Variants in NMUR1 observed in about 807,000 individuals in gnomAD.
The protein encoded by NMUR1 is neuromedin-U receptor 1.
In NMUR1, 16 loss-of-function variants were observed where a neutral mutation model predicts 18.8. The observed-to-expected ratio is 0.85, with a 90% CI of 0.58 to 1.29. The LOEUF (loss-of-function observed/expected upper bound fraction) is 1.29. Among genes scored for constraint, NMUR1 ranks in the 50% most tolerant of loss-of-function variants. NMUR1 has a pLI of 0.00. For missense variants in NMUR1, 529 were observed against 580.3 expected, an observed-to-expected ratio of 0.91 and a Z score of 0.91; for synonymous variants, 258 against 258.2, an observed-to-expected ratio of 1.00 and a Z score of 0.01.
downstream of NMUR1, among the ~76,000 whole-genome samples, chr2:231,521,940 T>C (rs529221111): frequency 6.7e-6 from 1 of 149,154 alleles, no homozygotes; most frequent in South Asian, 2.1e-4. Context: ...ACATACATGG[T>C]GCTCACAAAG....
Position 231,528,478 on chromosome 2 carries a change from C to G in NMUR1, c.543G>C (p.Val181=), listed in dbSNP as rs2047380250. 6.2e-7 allele frequency: 1 copy of G among 1,613,562 alleles called. No homozygotes were observed. The highest frequency in any genetic ancestry group is 8.5e-7 in the Non-Finnish European group (1 of 1,180,034). ...SMVTRAHVRR[V]LGAVWGLAML... is the part of the protein sequence containing the mutation. ...TGGCAAGACCCCAGACGGCCCCAAG[C>G]ACTCGGCGCACATGGGCCCGCGTCA... The change falls in exon 2 of 3, where the codon GTG becomes GTC. Residue 181 remains valine, a synonymous_variant. Transcript: ENST00000305141.
At chr2:231,526,921 A>C (rs1425502570) in intron 2 of NMUR1, among the ~76,000 whole-genome samples, 1 of 152,148 alleles carries the variant, frequency 6.6e-6, no homozygotes, top group African/African-American at 2.4e-5. Flanking sequence ...GCCTCATCCC[A>C]GTACCTTAGC....
chr2:231,523,421 C>CT lies in NMUR1; in HGVS notation c.*1621_*1622insA, dbSNP rs1320430161. ...TAAAGAACTCCTCACTTGCCCTTCC[C>CT]CCATTCCCTGGCAAGAGAGGTTTTA... On this transcript the variant is annotated 3_prime_UTR_variant, in exon 3 of 3. Coordinates refer to ENST00000305141, the MANE Select transcript of NMUR1 (RefSeq NM_006056.5). 8 of 325,408 alleles carry CT rather than the reference C, an allele frequency of 2.5e-5. No individual in the cohort carries two copies. Among genetic ancestry groups the CT allele is most frequent in the Non-Finnish European group, 4.4e-5 (8 of 179,922 alleles). 20.2% of individuals were successfully genotyped at this position (325,408 alleles called of 1,614,324 possible). A position where few individuals can be genotyped will look rare whatever the true frequency, so the allele number is the denominator to read the frequency against.
chr2:231,521,639 G>A (rs974176807), downstream of NMUR1, among the ~76,000 whole-genome samples: 10 of 152,170 alleles, frequency 6.6e-5, no homozygotes, highest in African/African-American at 2.4e-4. Context: ...GAAGTAGAAA[G>A]GGCCTGAACT....
At chr2:231,519,687 A>T (rs1051229466), downstream of NMUR1, among the ~76,000 whole-genome samples, 1 of 152,218 alleles carries the variant, frequency 6.6e-6, no homozygotes, top group African/African-American at 2.4e-5. Context: ...TGGGCAGCCC[A>T]ACCAGAGAGT....
At position 231,529,016 on chromosome 2, in the gene NMUR1, G is replaced by A. The variant is rs957609792; in HGVS notation, c.5C>T (p.Thr2Ile). 40 of 1,601,014 alleles carry A rather than the reference G, an allele frequency of 2.5e-5. No individual in the cohort carries two copies. The highest frequency in any genetic ancestry group is 3.3e-5 in the Non-Finnish European group (39 of 1,171,872). The stretch of plus-strand genomic sequence containing the variant: ...GACAGAGCAATTGAGGCAGAGAGGA[G>A]TCTGTGGAACAGAGGGGAGAGATGC... M[T>I]PLCLNCSVLP... The change falls in exon 2 of 3, where the codon ACT becomes ATT. Residue 2 changes from threonine to isoleucine, a missense_variant and splice_region_variant. Physicochemically the swap from Thr to Ile is moderately conservative, Grantham distance 89. Transcript: ENST00000305141.
In NMUR1 at chr2:231,524,734, G is replaced by C. The variant is rs2047337101; in HGVS notation, c.*309C>G. 6.7e-6 allele frequency: 2 copies of C among 297,558 alleles called. No homozygotes were observed. Among genetic ancestry groups the C allele is most frequent in the Non-Finnish European group, 1.3e-5 (2 of 159,234 alleles). The allele number at this position is 297,558 out of a possible 1,614,324, so 18.4% of individuals were successfully genotyped here. ...CAGAAACTGGCAGTGGTGGCAGGGA[G>C]TCCCCAGAGGGAGGACTGCTGAGCC... On this transcript the variant is annotated 3_prime_UTR_variant, in exon 3 of 3. Transcript: ENST00000305141.
intron 2 of NMUR1, among the ~76,000 whole-genome samples, 193 bp downstream of exon 2, chr2:231,527,930 T>G (rs1470758017): frequency 6.6e-6 from 1 of 151,930 alleles, no homozygotes; most frequent in Non-Finnish European, 1.5e-5. Flanking sequence ...TGGTGTAAGA[T>G]TCTAGTAGGG....
chr2:231,521,975 T>TC (rs1559162762), downstream of NMUR1, among the ~76,000 whole-genome samples: 5 of 44,914 alleles, frequency 1.1e-4, no homozygotes, highest in South Asian at 1.3e-3. Context: ...TTTTTTCTCT[T>TC]TTTTTTTTTT....
At chr2:231,530,177 C>A (rs113286035) in intron 1 of NMUR1, among the ~76,000 whole-genome samples, 182 bp downstream of exon 1, 208 of 152,318 alleles carry the variant, frequency 1.4e-3, no homozygotes, top group African/African-American at 4.7e-3. Flanking sequence ...AAGCCCGCAG[C>A]CCCCCGGCGC....
At chr2:231,529,697 C>T (rs2047396670) in intron 1 of NMUR1, among the ~76,000 whole-genome samples, 1 of 152,194 alleles carries the variant, frequency 6.6e-6, no homozygotes, top group South Asian at 2.1e-4. Context: ...GAAGCAACTG[C>T]CTGGATTCGA....
In NMUR1 at chr2:231,527,562, C is replaced by T. The variant is rs2047368314; in HGVS notation, c.898+561G>A. Among the ~76,000 whole-genome samples, 7 of 148,946 alleles carry T rather than the reference C, an allele frequency of 4.7e-5. No homozygotes were observed. The Admixed American group carries it at 4.7e-4, about 10-fold the overall frequency. ...GAGGCTGAGTGAGGTAGGAGGATCG[C>T]TTGAGCCTGGGAGGTTGAGGCTGCA... On this transcript the variant is annotated intron_variant, in intron 2 of 2. Transcript: ENST00000305141.
chr2:231,526,303 TTCCTCATAA>T (rs911579606), intron 2 of NMUR1, among the ~76,000 whole-genome samples: 7 of 152,284 alleles, frequency 4.6e-5, no homozygotes, highest in Middle Eastern at 3.4e-3. Context: ...TAGCATGGTT[TTCCTCATAA>T]TCCCAGATTT....
rs779604210 is a variant in NMUR1, at chr2:231,528,401, ACGTGCAGCTGCCGGATGC to A, written c.602_619del (p.Gly201_His206del). 6.2e-7 allele frequency: 1 copy of A among 1,613,716 alleles called. No homozygotes were observed. Among genetic ancestry groups the A allele is most frequent in the Admixed American group, 1.7e-5 (1 of 60,006 alleles). On this transcript the variant is annotated inframe_deletion, in exon 2 of 3. Coordinates refer to ENST00000305141, the MANE Select transcript of NMUR1 (RefSeq NM_006056.5). ...GTCTGGCACTGGGCCCCGGCAGGGC[ACGTGCAGCTGCCGGATGC>A]CGTGCAGGCTGGTGTTGGGCAGGGA...
chr2:231,521,973 CT>C (rs10625236), downstream of NMUR1, among the ~76,000 whole-genome samples: 31 of 83,848 alleles, frequency 3.7e-4, no homozygotes, highest in African/African-American at 9.1e-4. Flanking sequence ...TTTTTTTTCT[CT>C]TTTTTTTTTT....
chr2:231,529,480 A>T (rs1012233109), intron 1 of NMUR1, among the ~76,000 whole-genome samples: 1 of 146,490 alleles, frequency 6.8e-6, no homozygotes, highest in African/African-American at 2.6e-5. Context: ...AAAGCAAACA[A>T]CGAAAAAGTA....
rs567383312 is a variant in NMUR1 at position 231,525,570 on chromosome 2, A to G, written c.899-145T>C. 8 of 981,166 alleles carry G rather than the reference A, an allele frequency of 8.2e-6. No homozygotes were observed. The South Asian group carries it at 1.4e-4, about 17-fold the overall frequency. 60.8% of individuals were successfully genotyped at this position (981,166 alleles called of 1,614,324 possible). A position where few individuals can be genotyped will look rare whatever the true frequency, so the allele number is the denominator to read the frequency against. ...ATCACCCAGGTGGAAGTTTCTGGAA[A>G]TTTGCCTGTTCTGGCCATGCCTCTC... On this transcript the variant is annotated intron_variant, in intron 2 of 2. Coordinates refer to ENST00000305141, the MANE Select transcript of NMUR1 (RefSeq NM_006056.5).
At chr2:231,530,238 GC>G in intron 1 of NMUR1, 120 bp downstream of exon 1, 1 of 1,200,010 alleles carries the variant, frequency 8.3e-7, no homozygotes, top group Non-Finnish European at 1.1e-6. Context: ...CTCCCCGGTG[GC>G]GGGGACGGGG....
At chr2:231,521,514 T>TG (rs1299638299), downstream of NMUR1, among the ~76,000 whole-genome samples, 582 of 152,214 alleles carry the variant, frequency 3.8e-3, 4 homozygotes, top group African/African-American at 0.013. Flanking sequence ...GCTAGGAGAC[T>TG]GGGGTGGGGT....
Sources: gnomAD v4.1 joint callset for allele counts (sites outside exome capture counted in the v4.1 genomes callset) on GRCh38, gnomAD v4.1.1 for gene constraint, MANE v1.5 for transcripts, NCBI Gene and HGNC (gene_info 2026-07-23, HGNC 2026-07-21) for gene names.